The following GLB1L2 variants were observed in gnomAD, a reference collection of about 807,000 sequenced individuals.
The protein encoded by GLB1L2 is beta-galactosidase-1-like protein 2.
GLB1L2 carries 68 observed loss-of-function variants against 84.1 expected under a neutral mutation model. The observed-to-expected ratio is 0.81, with a 90% CI of 0.67 to 0.99. The LOEUF is 0.99. Among genes scored for constraint, GLB1L2 ranks in the 50% least tolerant of loss-of-function variants. GLB1L2 has a pLI of 0.00. For synonymous variants in GLB1L2, 290 were observed against 318.0 expected (o/e 0.91, Z 0.94); for missense variants, 762 against 805.6 (o/e 0.95, Z 0.66).
At chr11:134,351,795 T>C (rs1045143243) in intron 5 of GLB1L2, among the ~76,000 whole-genome samples, 6 of 152,208 alleles carry the variant, frequency 3.9e-5, no homozygotes, top group African/African-American at 1.2e-4. Flanking sequence ...TCAGGACTGT[T>C]AGTCCGTGTT....
rs1209678730 is a variant in GLB1L2, at chr11:134,339,298, T to C, written c.87-3456T>C. On this transcript the variant is annotated intron_variant, in intron 1 of 18. Coordinates refer to ENST00000535456, the MANE Select transcript of GLB1L2 (RefSeq NM_001370461.1). The surrounding 1 kb of genome is among the most constrained non-coding windows in gnomAD (Gnocchi z 5.7). The stretch of plus-strand genomic sequence containing the variant: ...TACTCAGGAAATTATGGGGTTATTC[T>C]CCGTCTTATGATTATTAGTATTAAT... 1.3e-5 allele frequency among the ~76,000 whole-genome samples: 2 copies of C among 152,214 alleles called. No individual in the cohort carries two copies. The highest frequency in any genetic ancestry group is 2.9e-5 in the Non-Finnish European group (2 of 68,042).
chr11:134,371,904 C>A, intron 15 of GLB1L2, 74 bp downstream of exon 15: 1 of 1,412,584 alleles, frequency 7.1e-7, no homozygotes, highest in Non-Finnish European at 1.0e-6. Context: ...TCTATGCTAG[C>A]AGGCCACCAG....
At chr11:134,374,327 C>T (rs943620928) in intron 17 of GLB1L2, 71 bp downstream of exon 17, 32 of 1,278,992 alleles carry the variant, frequency 2.5e-5, no homozygotes, top group Non-Finnish European at 3.3e-5. Context: ...GAGCCAAAGC[C>T]ACGAGCTTGG....
At position 134,370,701 on chromosome 11, in the gene GLB1L2, C is replaced by G. The variant is rs368201283; in HGVS notation, c.1215+302C>G. Among the ~76,000 whole-genome samples, 1 of 152,198 alleles carries G rather than the reference C, an allele frequency of 6.6e-6. No homozygotes were observed. The highest frequency in any genetic ancestry group is 6.5e-5 in the Admixed American group (1 of 15,306). On this transcript the variant is annotated intron_variant, in intron 12 of 18. Coordinates refer to ENST00000535456, the MANE Select transcript of GLB1L2 (RefSeq NM_001370461.1). This position sits in a 1 kb window ranked among gnomAD's most constrained non-coding sequence, Gnocchi z 4.7. ...CGTGGGCCTTTCCTTCCTCCAGCCTCAGAGAGGAGAGTGAGGGGCAGAGGA... is the reference window on the plus strand; with the variant it reads ...CGTGGGCCTTTCCTTCCTCCAGCCTGAGAGAGGAGAGTGAGGGGCAGAGGA...
chr11:134,374,665 C>A lies in GLB1L2; in HGVS notation c.1771C>A (p.Pro591Thr). 6.2e-7 allele frequency: 1 copy of A among 1,614,050 alleles called. No homozygotes were observed. The highest frequency in any genetic ancestry group is 8.5e-7 in the Non-Finnish European group (1 of 1,179,992). ...QNLGRYWNIGPQKTLYLPGPW... is the reference protein window; with the variant it reads ...QNLGRYWNIGTQKTLYLPGPW... ...CCTTGGACGTTACTGGAACATTGGA[C>A]CCCAGAAGACGCTTTACCTCCCAGG... The change falls in exon 18 of 19, where the codon CCC becomes ACC. Residue 591 changes from proline to threonine, a missense_variant. This residue lies in a region of GLB1L2 where 603 missense variants were observed against 611.7 expected (regional missense o/e 0.99). Transcript: ENST00000535456.
chr11:134,370,255 T>C lies in GLB1L2; in HGVS notation c.1109-38T>C. The C allele has an allele frequency of 1.3e-6, 2 of 1,557,282 alleles. No individual in the cohort carries two copies. The highest frequency in any genetic ancestry group is 1.8e-6 in the Non-Finnish European group (2 of 1,128,432). On this transcript the variant is annotated intron_variant, in intron 11 of 18. Coordinates refer to ENST00000535456, the MANE Select transcript of GLB1L2 (RefSeq NM_001370461.1). The surrounding 1 kb of genome is among the most constrained non-coding windows in gnomAD (Gnocchi z 4.7). ...GGGAGGACGAGCAGGCAGTGACATTTGGGTCCGTTGGGGGTGACCCTGTTT... is the reference window on the plus strand; with the variant it reads ...GGGAGGACGAGCAGGCAGTGACATTCGGGTCCGTTGGGGGTGACCCTGTTT...
At position 134,347,235 on chromosome 11, in the gene GLB1L2, G is replaced by A. The variant is rs112149559; in HGVS notation, c.450-90G>A. ...GCACAGGTCATTCTGGAGCACTGGG[G>A]GGCCTCTCCCTTCTCACGCATCAAC... On this transcript the variant is annotated intron_variant, in intron 4 of 18. Transcript: ENST00000535456. The A allele has an allele frequency of 1.2e-4, 106 of 914,888 alleles. 1 individual carries two copies. Among genetic ancestry groups the A allele is most frequent in the Middle Eastern group, 4.4e-4 (2 of 4,548 alleles). 56.7% of individuals were successfully genotyped at this position (914,888 alleles called of 1,614,324 possible). A position where few individuals can be genotyped will look rare whatever the true frequency, so the allele number is the denominator to read the frequency against.
Position 134,371,753 on chromosome 11 carries a change from G to A in GLB1L2, c.1430G>A (p.Gly477Asp). 1.2e-5 allele frequency: 19 copies of A among 1,614,100 alleles called. No individual in the cohort carries two copies. The highest frequency in any genetic ancestry group is 1.6e-5 in the Non-Finnish European group (19 of 1,180,018). ...TCGTTAGCCCCGTGTTCCCGGCAGG[G>A]TTACACCGTGCTGAGGATCTTGGTG... is the stretch of plus-strand genomic sequence containing the variant. Reference protein sequence around the residue: ...TTKIAVPLIQGYTVLRILVEN... With the variant: ...TTKIAVPLIQDYTVLRILVEN... The change falls in exon 15 of 19, where the codon GGT becomes GAT. Residue 477 changes from glycine (G) to aspartate (D), a missense_variant and splice_region_variant. By Grantham distance (94) the Gly-to-Asp change is moderately conservative. Transcript: ENST00000535456.
intron 5 of GLB1L2, among the ~76,000 whole-genome samples, chr11:134,350,680 G>A (rs1014792332): frequency 2.6e-5 from 4 of 152,218 alleles, no homozygotes; most frequent in African/African-American, 7.2e-5. Flanking sequence ...CGGATGAACG[G>A]TGCAGCCTTC....
chr11:134,332,166 C>A lies in GLB1L2; in HGVS notation c.86+19C>A. On this transcript the variant is annotated intron_variant, in intron 1 of 18. Transcript: ENST00000535456. ...TCCGCAGGTGAGAGAGAGCTTCGCG[C>A]AGCACCTGCCGGACCCCACATTCCC... 1 of 1,495,700 alleles carries A rather than the reference C, an allele frequency of 6.7e-7. No homozygotes were observed. Among genetic ancestry groups the A allele is most frequent in the Non-Finnish European group, 9.0e-7 (1 of 1,107,932 alleles). The allele number at this position is 1,495,700 out of a possible 1,614,324, so 92.7% of individuals were successfully genotyped here.
At chr11:134,350,608 G>A (rs964392358) in intron 5 of GLB1L2, among the ~76,000 whole-genome samples, 9 of 152,120 alleles carry the variant, frequency 5.9e-5, no homozygotes, top group African/African-American at 1.7e-4. Flanking sequence ...CTTGAGTTTC[G>A]GTTTTTGTCA....
At position 134,371,043 on chromosome 11, in the gene GLB1L2, C is replaced by A. The variant is rs1055842453; in HGVS notation, c.1251C>A (p.Asn417Lys). The change falls in exon 13 of 19, where the codon AAC (asparagine) becomes AAA (lysine). Residue 417 changes from asparagine (N) to lysine (K), a missense_variant. Asn to Lys is a moderately conservative substitution (Grantham distance 94). Transcript: ENST00000535456. Reference sequence around the variant, plus strand: ...CTGAAAAGCCCATCAACATGGAGAACCTGCCAGTCAATGGGGGAAATGGAC... The same window carrying A: ...CTGAAAAGCCCATCAACATGGAGAAACTGCCAGTCAATGGGGGAAATGGAC... ...IKSEKPINME[N>K]LPVNGGNGQS... The A allele has an allele frequency of 3.7e-6, 6 of 1,614,066 alleles. No homozygotes were observed. In the African/African-American group the frequency reaches 8.0e-5, roughly 22 times the overall value.
rs935699391 is a variant in GLB1L2, at chr11:134,370,622, T to C, written c.1215+223T>C. On this transcript the variant is annotated intron_variant, in intron 12 of 18. Transcript: ENST00000535456. This position sits in a 1 kb window ranked among gnomAD's most constrained non-coding sequence, Gnocchi z 4.7. ...GCTCAGAGGGAAGAGGACAGACTCA[T>C]GCTGGAGTGTGAAGTGGGAGAAACA... Among the ~76,000 whole-genome samples the C allele has an allele frequency of 6.6e-6, 1 of 152,052 alleles. No homozygotes were observed. Among genetic ancestry groups the C allele is most frequent in the Non-Finnish European group, 1.5e-5 (1 of 67,996 alleles).
chr11:134,356,042 G>T, intron 5 of GLB1L2: 1 of 616,938 alleles, frequency 1.6e-6, no homozygotes, highest in Non-Finnish European at 3.0e-6. Flanking sequence ...TTGATTTGGT[G>T]GTCACTTGTT....
At position 134,370,849 on chromosome 11, in the gene GLB1L2, G is replaced by A. The variant is rs767551365; in HGVS notation, c.1216-159G>A. On this transcript the variant is annotated intron_variant, in intron 12 of 18. Transcript: ENST00000535456. The surrounding 1 kb of genome is among the most constrained non-coding windows in gnomAD (Gnocchi z 4.7). ...CCCCTTTGCCCCACTCCTCTTCCCC[G>A]TCACCCTGGAGAGTTGTATGTTTAG... is the stretch of plus-strand genomic sequence containing the variant. Among the ~76,000 whole-genome samples the A allele has an allele frequency of 6.6e-6, 1 of 152,046 alleles. No individual in the cohort carries two copies. The highest frequency in any genetic ancestry group is 2.1e-4 in the South Asian group (1 of 4,832).
chr11:134,353,750 T>C (rs994437811), intron 5 of GLB1L2, among the ~76,000 whole-genome samples: 1 of 152,236 alleles, frequency 6.6e-6, no homozygotes, highest in Non-Finnish European at 1.5e-5. Flanking sequence ...TATATCCTTT[T>C]GGTGAATTGA....
chr11:134,347,440 G>A lies in GLB1L2; in HGVS notation c.558+7G>A. 6.3e-7 allele frequency: 1 copy of A among 1,574,934 alleles called. No homozygotes were observed. The highest frequency in any genetic ancestry group is 8.7e-7 in the Non-Finnish European group (1 of 1,144,294). ...CAGGGTGGTGCCACTCCAGGTACAAGCAAATGGGGTCTTCTTTGATCTTGG... is the reference window on the plus strand; with the variant it reads ...CAGGGTGGTGCCACTCCAGGTACAAACAAATGGGGTCTTCTTTGATCTTGG... On this transcript the variant is annotated splice_region_variant and intron_variant, in intron 5 of 18. Coordinates refer to ENST00000535456, the MANE Select transcript of GLB1L2 (RefSeq NM_001370461.1).
At chr11:134,348,631 C>T (rs73604953) in intron 5 of GLB1L2, among the ~76,000 whole-genome samples, 1 of 152,072 alleles carries the variant, frequency 6.6e-6, no homozygotes, top group Non-Finnish European at 1.5e-5. Flanking sequence ...GCCATTTTAA[C>T]CATTTTGAAA....
chr11:134,337,314 A>T (rs1033012341), intron 1 of GLB1L2, among the ~76,000 whole-genome samples: 1 of 152,250 alleles, frequency 6.6e-6, no homozygotes, highest in African/African-American at 2.4e-5. Context: ...CCTTGGGCGT[A>T]TTTAATGCCT....
Sources: gnomAD v4.1 joint callset for allele counts (sites outside exome capture counted in the v4.1 genomes callset) on GRCh38, gnomAD v4.1.1 for gene constraint, gnomAD v4.1.1 regional missense constraint, Gnocchi (gnomAD v3.1) non-coding constraint, MANE v1.5 for transcripts, NCBI Gene and HGNC (gene_info 2026-07-23, HGNC 2026-07-21) for gene names.